The following ZNF560 variants were observed in gnomAD, a reference collection of about 807,000 sequenced individuals.
ZNF560 encodes the protein zinc finger protein 560.
Under a neutral mutation model 81.8 loss-of-function variants are expected in ZNF560, and 54 were observed. The observed-to-expected ratio is 0.66, with a 90% CI of 0.53 to 0.83. The LOEUF (loss-of-function observed/expected upper bound fraction) is 0.83. Among genes scored for constraint, ZNF560 ranks in the 40% least tolerant of loss-of-function variants. The probability of loss-of-function intolerance (pLI) is 0.00; values close to 1 mark genes in which losing one functional copy is unlikely to be tolerated. For synonymous variants in ZNF560, 321 were observed against 317.9 expected (o/e 1.01, Z -0.10); for missense variants, 940 against 932.4 (o/e 1.01, Z -0.11).
chr19:9,487,972 T>C (rs2073412151), intron 2 of ZNF560, among the ~76,000 whole-genome samples: 1 of 152,214 alleles, frequency 6.6e-6, no homozygotes, highest in Admixed American at 6.5e-5. Context: ...GGATGTGGTC[T>C]GTCCCCATCA....
chr19:9,482,561 G>A lies in ZNF560; in HGVS notation c.-56-7192C>T, dbSNP rs1362793042. Among the ~76,000 whole-genome samples, 9 of 151,972 alleles carry A rather than the reference G, an allele frequency of 5.9e-5. No homozygotes were observed. The East Asian group carries it at 1.7e-3, about 29-fold the overall frequency. ...GGATCACTTGAGACCAGGAAGTCAAGGCTGCATTGAGCCATGACTGCAGCA... is the reference window on the plus strand; with the variant it reads ...GGATCACTTGAGACCAGGAAGTCAAAGCTGCATTGAGCCATGACTGCAGCA... On this transcript the variant is annotated intron_variant, in intron 2 of 9. Coordinates refer to ENST00000301480, the MANE Select transcript of ZNF560 (RefSeq NM_152476.3).
the ZNF560 span, among the ~76,000 whole-genome samples, chr19:9,458,162 C>T: frequency 2.7e-3 from 414 of 152,316 alleles, 6 homozygotes; most frequent in Non-Finnish European, 3.1e-3. Flanking sequence ...ATTATTATCC[C>T]TCTCACAAAG....
the ZNF560 span, among the ~76,000 whole-genome samples, chr19:9,447,698 A>G: frequency 6.6e-6 from 1 of 152,304 alleles, no homozygotes; most frequent in East Asian, 1.9e-4. Flanking sequence ...CAAAGTCCCC[A>G]AGAAATATGG....
intron 2 of ZNF560, among the ~76,000 whole-genome samples, chr19:9,489,858 G>C (rs2073443879): frequency 6.6e-6 from 1 of 152,164 alleles, no homozygotes; most frequent in Non-Finnish European, 1.5e-5. Flanking sequence ...CCAAAGTGCT[G>C]GGATTACAGG....
the ZNF560 span, among the ~76,000 whole-genome samples, chr19:9,447,824 G>A: frequency 6.6e-5 from 10 of 152,158 alleles, 1 homozygote; most frequent in African/African-American, 2.2e-4. Flanking sequence ...TTCCCTAATT[G>A]TGCTAGAGAG....
rs756164229 is a variant in ZNF560 at position 9,477,326 on chromosome 19, G to A, written c.-56-1957C>T. On this transcript the variant is annotated intron_variant, in intron 2 of 9. Transcript: ENST00000301480. ...TTCTAATATCATCTACTTAGGAAGC[G>A]GTGAACCAGGACTTGAATGCAGTCA... is the stretch of plus-strand genomic sequence containing the variant. Among the ~76,000 whole-genome samples the A allele has an allele frequency of 4.6e-5, 7 of 152,010 alleles. 1 individual carries two copies. Among genetic ancestry groups the A allele is most frequent in the South Asian group, 4.1e-4 (2 of 4,820 alleles).
At chr19:9,459,878 G>A in the ZNF560 span, among the ~76,000 whole-genome samples, 1 of 152,050 alleles carries the variant, frequency 6.6e-6, no homozygotes, top group Non-Finnish European at 1.5e-5. Context: ...CACAGAGCTT[G>A]GTGTTCCATA....
chr19:9,485,988 G>A (rs191450360), intron 2 of ZNF560, among the ~76,000 whole-genome samples: 1 of 152,326 alleles, frequency 6.6e-6, no homozygotes, highest in Non-Finnish European at 1.5e-5. Context: ...AGCTGGCAGG[G>A]GCAGGGAGCA....
At chr19:9,470,540 G>A in intron 6 of ZNF560, 22 bp from the exon 7 acceptor site, 1 of 1,614,182 alleles carries the variant, frequency 6.2e-7, no homozygotes, top group Non-Finnish European at 8.5e-7. Flanking sequence ...GACACATGCT[G>A]ATTTGAGCCA....
rs757603189 is a variant in ZNF560 at position 9,471,317 on chromosome 19, T to C, written c.300A>G (p.Gln100=). The C allele has an allele frequency of 1.0e-5, 16 of 1,601,784 alleles. No individual in the cohort carries two copies. Among genetic ancestry groups the C allele is most frequent in the East Asian group, 2.3e-5 (1 of 44,188 alleles). Residue 100 remains glutamine, a synonymous_variant, in exon 6 of 10, where the codon CAA becomes CAG. Coordinates refer to ENST00000301480, the MANE Select transcript of ZNF560 (RefSeq NM_152476.3). ...TTACCATTTGTATCCCATTAGAAGTTTGTATTTTCCAAAACTCCTGCTGCA... is the reference window on the plus strand; with the variant it reads ...TTACCATTTGTATCCCATTAGAAGTCTGTATTTTCCAAAACTCCTGCTGCA... ...SALQQEFWKI[Q]TSNGIQMDLV...
At chr19:9,476,260 T>C (rs1246205316) in intron 2 of ZNF560, among the ~76,000 whole-genome samples, 1 of 151,932 alleles carries the variant, frequency 6.6e-6, no homozygotes, top group Admixed American at 6.6e-5. Flanking sequence ...TGATAATGAG[T>C]GAGTCTCACA....
rs79109916 is a variant in ZNF560 at position 9,480,622 on chromosome 19, C to T, written c.-56-5253G>A. 2.1e-3 allele frequency among the ~76,000 whole-genome samples: 320 copies of T among 151,442 alleles called. 2 individuals carry two copies. The highest frequency in any genetic ancestry group is 7.4e-3 in the African/African-American group (307 of 41,296). On this transcript the variant is annotated intron_variant, in intron 2 of 9. Transcript: ENST00000301480. Reference sequence around the variant, plus strand: ...AAGTTTTCTGAAAAGATGAACAAACCTTTAGATAGATCAAGGGGTGAAGAG... The same window carrying T: ...AAGTTTTCTGAAAAGATGAACAAACTTTTAGATAGATCAAGGGGTGAAGAG...
intron 2 of ZNF560, among the ~76,000 whole-genome samples, chr19:9,492,044 G>A (rs978288696): frequency 6.6e-6 from 1 of 151,648 alleles, no homozygotes; most frequent in African/African-American, 2.4e-5. Context: ...GCAGTGGCAT[G>A]ATCACAGCTC....
At chr19:9,466,298 A>G (rs148560448), downstream of ZNF560, among the ~76,000 whole-genome samples, 159 of 152,050 alleles carry the variant, frequency 1.0e-3, no homozygotes, top group African/African-American at 3.7e-3. Context: ...GTGAGCCAAG[A>G]TCATGCCACT....
At chr19:9,452,059 CAGTG>C in the ZNF560 span, among the ~76,000 whole-genome samples, 1 of 151,714 alleles carries the variant, frequency 6.6e-6, no homozygotes, top group East Asian at 1.9e-4. Flanking sequence ...CTGGGTGACA[CAGTG>C]AGACTCCATG....
chr19:9,489,449 G>C (rs1434586520), intron 2 of ZNF560, among the ~76,000 whole-genome samples: 10 of 151,986 alleles, frequency 6.6e-5, no homozygotes, highest in Admixed American at 6.6e-4. Flanking sequence ...ACGGTAGGCA[G>C]CTGAGCAGAG....
Position 9,471,809 on chromosome 19 carries a change from C to A in ZNF560, c.239-431G>T, listed in dbSNP as rs558397404. The stretch of plus-strand genomic sequence containing the variant: ...CTTAACCTTGTGAGAGAAGGTGCAT[C>A]TTAAAAAGTTCCCTCAGAGGGCTGG... On this transcript the variant is annotated intron_variant, in intron 5 of 9. Coordinates refer to ENST00000301480, the MANE Select transcript of ZNF560 (RefSeq NM_152476.3). Among the ~76,000 whole-genome samples, 37 of 152,300 alleles carry A rather than the reference C, an allele frequency of 2.4e-4. 1 individual carries two copies. In the South Asian group the frequency reaches 7.7e-3, roughly 32 times the overall value.
intron 2 of ZNF560, among the ~76,000 whole-genome samples, chr19:9,484,872 G>C (rs77769521): frequency 1.3e-5 from 2 of 148,340 alleles, no homozygotes; most frequent in Non-Finnish European, 3.0e-5. Context: ...AAATTAAAAA[G>C]AACACTCAAA....
intron 2 of ZNF560, among the ~76,000 whole-genome samples, chr19:9,479,894 G>A (rs2073259411): frequency 6.6e-6 from 1 of 152,012 alleles, no homozygotes; most frequent in South Asian, 2.1e-4. Flanking sequence ...ATAGGAAGGG[G>A]GGTTATCCTG....
Sources: allele counts gnomAD v4.1 joint callset (sites outside exome capture counted in the v4.1 genomes callset), GRCh38; gene constraint gnomAD v4.1.1; transcripts MANE v1.5; gene names NCBI Gene and HGNC (gene_info 2026-07-23, HGNC 2026-07-21).